Variants in LAMA2 observed in about 807,000 individuals in gnomAD.
LAMA2 encodes the protein laminin subunit alpha 2, also known as laminin subunit alpha-2.
LAMA2 carries 269 observed loss-of-function variants against 364.8 expected under a neutral mutation model. The observed-to-expected ratio is 0.74, with a 90% CI of 0.67 to 0.82. LAMA2 has a LOEUF of 0.82. Ranked by LOEUF, LAMA2 falls within the 40% of genes least tolerant of loss-of-function variation. The pLI is 0.00. For missense variants in LAMA2, 3,807 were observed against 3,873.2 expected (o/e 0.98, Z 0.45); for synonymous variants, 1,379 against 1,370.6 (o/e 1.01, Z -0.14).
chr6:129,389,888 C>T (rs1016996154), intron 35 of LAMA2, among the ~76,000 whole-genome samples: 7 of 152,140 alleles, frequency 4.6e-5, no homozygotes, highest in Non-Finnish European at 1.0e-4. Context: ...GGTATTACAA[C>T]TTGAGATGAG....
intron 45 of LAMA2, among the ~76,000 whole-genome samples, chr6:129,450,564 G>A (rs146780523): frequency 0.012 from 1,799 of 152,060 alleles, 9 homozygotes; most frequent in Non-Finnish European, 0.02. Context: ...CTCATGATCC[G>A]CCCATCTCAG....
chr6:128,991,997 A>T (rs922174979), intron 1 of LAMA2, among the ~76,000 whole-genome samples: 1 of 152,238 alleles, frequency 6.6e-6, no homozygotes, highest in African/African-American at 2.4e-5. Flanking sequence ...CACTTACCTT[A>T]TATTGTAGTA....
chr6:129,230,108 GC>G (rs1331791887), intron 12 of LAMA2, among the ~76,000 whole-genome samples: 1 of 152,060 alleles, frequency 6.6e-6, no homozygotes, highest in Non-Finnish European at 1.5e-5. Context: ...TAAGGATTGG[GC>G]CCTATAGCAC....
At chr6:129,106,431 C>G (rs539947789) in intron 4 of LAMA2, among the ~76,000 whole-genome samples, 56 of 152,218 alleles carry the variant, frequency 3.7e-4, no homozygotes, top group African/African-American at 1.3e-3. Flanking sequence ...AAATGAAGAC[C>G]TAGCCTTTCT....
At chr6:129,464,176 A>T in intron 49 of LAMA2, 114 bp from the exon 50 acceptor site, 1 of 888,922 alleles carries the variant, frequency 1.1e-6, no homozygotes, top group Non-Finnish European at 1.9e-6. Context: ...AGATGTATTT[A>T]GGGTATTTCC....
At chr6:129,349,479 A>G in intron 31 of LAMA2, 95 bp downstream of exon 31, 1 of 972,788 alleles carries the variant, frequency 1.0e-6, no homozygotes, top group South Asian at 1.3e-5. Flanking sequence ...GAAGAACTTC[A>G]ATATTTGCAT....
intron 34 of LAMA2, among the ~76,000 whole-genome samples, chr6:129,372,785 T>C (rs1234731310): frequency 6.6e-6 from 1 of 152,250 alleles, no homozygotes; most frequent in Non-Finnish European, 1.5e-5. Context: ...AGAGTTTCTG[T>C]TGCTCCACAT....
chr6:129,481,417 G>T lies in LAMA2; in HGVS notation c.7727G>T (p.Arg2576Ile), dbSNP rs769650593. ...GSGGTPAPPR[R>I]KRRQTGQAYY... is the part of the protein sequence containing the mutation. ...GGAGGGACACCAGCACCACCTAGGA[G>T]AAAACGAAGGCAGACTGGACAGGTA... Residue 2576 changes from arginine to isoleucine, a missense_variant, in exon 55 of 65, where the codon AGA becomes ATA. By Grantham distance (97) the Arg-to-Ile change is moderately conservative (BLOSUM62 -3). Coordinates refer to ENST00000421865, the MANE Select transcript of LAMA2 (RefSeq NM_000426.4). The T allele has an allele frequency of 3.1e-6, 5 of 1,613,768 alleles. No homozygotes were observed. Among genetic ancestry groups the T allele is most frequent in the Non-Finnish European group, 4.2e-6 (5 of 1,179,840 alleles).
intron 28 of LAMA2, among the ~76,000 whole-genome samples, chr6:129,326,535 G>T (rs1246271047): frequency 6.6e-6 from 1 of 151,436 alleles, no homozygotes; most frequent in Non-Finnish European, 1.5e-5. Context: ...GAGCTTCAAG[G>T]AAACTTCCTC....
At chr6:128,918,371 G>A (rs546499408) in intron 1 of LAMA2, among the ~76,000 whole-genome samples, 12 of 152,172 alleles carry the variant, frequency 7.9e-5, no homozygotes, top group African/African-American at 2.9e-4. Context: ...ATTCATGGTT[G>A]TGTTTATCTG....
chr6:129,145,093 A>G lies in LAMA2; in HGVS notation c.819+1013A>G, dbSNP rs546988493. 1.2e-4 allele frequency among the ~76,000 whole-genome samples: 19 copies of G among 152,140 alleles called. No individual in the cohort carries two copies. The East Asian group carries it at 3.7e-3, about 29-fold the overall frequency. On this transcript the variant is annotated intron_variant, in intron 5 of 64. Transcript: ENST00000421865. ...TGTATGACTAGAGGTATAGCTAAGAAAAAAGACTATAGGGAGAAATTAATA... is the reference window on the plus strand; with the variant it reads ...TGTATGACTAGAGGTATAGCTAAGAGAAAAGACTATAGGGAGAAATTAATA...
chr6:129,251,040 TTCTCTC>T lies in LAMA2; in HGVS notation c.1884+859_1884+864del, dbSNP rs66896334. Among the ~76,000 whole-genome samples, 459 of 61,614 alleles carry T rather than the reference TTCTCTC, an allele frequency of 7.4e-3. 7 individuals are homozygous for T. Among genetic ancestry groups the T allele is most frequent in the African/African-American group, 0.025 (351 of 14,236 alleles). The allele number at this position is 61,614 out of a possible 152,430, so 40.4% of individuals were successfully genotyped here. ...TTTCTCTCTCTCTCTGTCTCTCTCT[TTCTCTC>T]TCTCTCTCTCTCTCTCTCTCTCTCT... On this transcript the variant is annotated intron_variant, in intron 13 of 64. Coordinates refer to ENST00000421865, the MANE Select transcript of LAMA2 (RefSeq NM_000426.4).
At chr6:129,126,886 CA>C (rs557026511) in intron 4 of LAMA2, among the ~76,000 whole-genome samples, 223 of 152,166 alleles carry the variant, frequency 1.5e-3, no homozygotes, top group Non-Finnish European at 2.2e-3. Context: ...GAATGGGCAA[CA>C]TGGTGAAACG....
intron 1 of LAMA2, among the ~76,000 whole-genome samples, chr6:128,925,118 A>G (rs1779003916): frequency 6.6e-6 from 1 of 152,188 alleles, no homozygotes; most frequent in Non-Finnish European, 1.5e-5. Context: ...GGTCCTCAAA[A>G]CATTACAAAT....
At chr6:129,499,967 G>C (rs898848575) in intron 58 of LAMA2, among the ~76,000 whole-genome samples, 2 of 151,958 alleles carry the variant, frequency 1.3e-5, no homozygotes, top group Non-Finnish European at 2.9e-5. Flanking sequence ...TGTTGCCCAG[G>C]CTGGTCTCAA....
intron 2 of LAMA2, among the ~76,000 whole-genome samples, chr6:129,052,642 A>C (rs1788160429): frequency 6.6e-6 from 1 of 152,124 alleles, no homozygotes; most frequent in Non-Finnish European, 1.5e-5. Flanking sequence ...AGCATCACCC[A>C]AACTTCATAG....
At chr6:129,035,726 A>G (rs1049948865) in intron 1 of LAMA2, among the ~76,000 whole-genome samples, 1 of 151,900 alleles carries the variant, frequency 6.6e-6, no homozygotes, top group African/African-American at 2.4e-5. Context: ...CTAGCCAGTT[A>G]TTAAATAGGG....
At chr6:129,513,480 G>A (rs769871786) in intron 63 of LAMA2, among the ~76,000 whole-genome samples, 1 of 152,130 alleles carries the variant, frequency 6.6e-6, no homozygotes, top group African/African-American at 2.4e-5. Context: ...GCAAAAGCCT[G>A]TTATGCAAAC....
intron 30 of LAMA2, 53 bp from the exon 31 acceptor site, chr6:129,349,245 T>G: frequency 7.2e-7 from 1 of 1,394,166 alleles, no homozygotes; most frequent in South Asian, 1.2e-5. Context: ...GAATACTATT[T>G]TATAAAATAA....
Sources: allele counts gnomAD v4.1 joint callset (sites outside exome capture counted in the v4.1 genomes callset), GRCh38; gene constraint gnomAD v4.1.1; transcripts MANE v1.5; gene names NCBI Gene and HGNC (gene_info 2026-07-23, HGNC 2026-07-21).